Variants in WWTR1 observed in about 807,000 individuals in gnomAD.
The protein encoded by WWTR1 is WW domain containing transcription regulator 1.
A neutral mutation model predicts 40.1 loss-of-function variants in WWTR1; 13 were observed. The ratio of observed to expected loss-of-function variants is 0.32; its 90% CI spans 0.21 to 0.52. The LOEUF (loss-of-function observed/expected upper bound fraction) is 0.52. Among genes scored for constraint, WWTR1 ranks in the 20% least tolerant of loss-of-function variants. WWTR1 has a pLI of 0.97. For missense variants in WWTR1, 436 were observed against 523.1 expected (o/e 0.83, Z 1.63); for synonymous variants, 230 against 210.1 (o/e 1.09, Z -0.82).
chr3:149,582,710 G>T (rs1273007401), intron 2 of WWTR1, among the ~76,000 whole-genome samples: 3 of 151,914 alleles, frequency 2.0e-5, no homozygotes, highest in Admixed American at 1.3e-4. Flanking sequence ...AGTGTGGGCG[G>T]CAGAGCAAAA....
At chr3:149,627,727 G>T (rs1740634593) in intron 2 of WWTR1, among the ~76,000 whole-genome samples, 1 of 152,138 alleles carries the variant, frequency 6.6e-6, no homozygotes, top group Non-Finnish European at 1.5e-5. Flanking sequence ...GCCTGAGAGG[G>T]TCCTATTATT....
At chr3:149,552,848 G>T (rs769276234) in intron 3 of WWTR1, among the ~76,000 whole-genome samples, 1 of 152,178 alleles carries the variant, frequency 6.6e-6, no homozygotes, top group Non-Finnish European at 1.5e-5. Flanking sequence ...TTATGTCCCA[G>T]GGTTCTTTCA....
chr3:149,520,825 G>A lies in WWTR1; in HGVS notation c.1183C>T (p.Pro395Ser), dbSNP rs1239352404. The part of the protein sequence containing the change: ...DVESALNKSE[P>S]FLTWL ...AGTGATTACAGCCAGGTTAGAAAGG[G>A]CTCACTTTTGTTCAGAGCAGACTCT... Residue 395 changes from proline (P) to serine (S), a missense_variant, in exon 7 of 7, where the codon CCC becomes TCC. Transcript: ENST00000360632. 12 of 1,601,024 alleles carry A rather than the reference G, an allele frequency of 7.5e-6. No individual in the cohort carries two copies. The highest frequency in any genetic ancestry group is 1.4e-5 in the African/African-American group (1 of 73,948).
chr3:149,531,021 A>G (rs902754187), intron 4 of WWTR1, among the ~76,000 whole-genome samples: 3 of 149,972 alleles, frequency 2.0e-5, no homozygotes, highest in African/African-American at 7.4e-5. Flanking sequence ...TGCAACCTTC[A>G]CCTACCGGGT....
intron 2 of WWTR1, among the ~76,000 whole-genome samples, chr3:149,650,747 G>A (rs1186316315): frequency 1.3e-5 from 2 of 152,188 alleles, no homozygotes; most frequent in African/African-American, 4.8e-5. Context: ...ATGGAGTTGG[G>A]TATCCTCTGC....
chr3:149,720,458 A>G (rs992692595), intron 4 of WWTR1, among the ~76,000 whole-genome samples: 1 of 152,086 alleles, frequency 6.6e-6, no homozygotes, highest in African/African-American at 2.4e-5. Flanking sequence ...TGGATTCTCT[A>G]TTGTATTCAT....
At chr3:149,591,041 C>T (rs992691375) in intron 2 of WWTR1, among the ~76,000 whole-genome samples, 1 of 151,216 alleles carries the variant, frequency 6.6e-6, no homozygotes, top group Non-Finnish European at 1.5e-5. Flanking sequence ...TTAGGCATAT[C>T]CTGTCAAGAA....
intron 1 of WWTR1, among the ~76,000 whole-genome samples, chr3:149,678,884 G>A (rs886944684): frequency 6.7e-6 from 1 of 148,830 alleles, no homozygotes; most frequent in African/African-American, 2.5e-5. Flanking sequence ...GTGCAATGGT[G>A]CAGTGGCGTG....
intron 2 of WWTR1, among the ~76,000 whole-genome samples, chr3:149,591,976 T>C (rs1738747150): frequency 6.6e-6 from 1 of 152,210 alleles, no homozygotes; most frequent in Admixed American, 6.5e-5. Flanking sequence ...CAACTGCATC[T>C]GGTATTTCCA....
intron 1 of WWTR1, among the ~76,000 whole-genome samples, chr3:149,696,929 A>G (rs970767602): frequency 6.6e-6 from 1 of 151,904 alleles, no homozygotes; most frequent in Admixed American, 6.6e-5. Flanking sequence ...GCTTAAGATT[A>G]CTCTTCTGTC....
intron 1 of WWTR1, among the ~76,000 whole-genome samples, chr3:149,699,562 G>A (rs930941662): frequency 6.6e-6 from 1 of 151,978 alleles, no homozygotes; most frequent in Admixed American, 6.6e-5. Flanking sequence ...CAAAGTGCTG[G>A]GATTACAGGC....
At chr3:149,591,596 CA>C (rs147857781) in intron 2 of WWTR1, among the ~76,000 whole-genome samples, 2 of 151,476 alleles carry the variant, frequency 1.3e-5, no homozygotes, top group South Asian at 2.1e-4. Context: ...TTTCTCTAAA[CA>C]AAAAAAAGTA....
chr3:149,675,980 C>A (rs1201798005), intron 1 of WWTR1, among the ~76,000 whole-genome samples: 1 of 152,158 alleles, frequency 6.6e-6, no homozygotes, highest in Non-Finnish European at 1.5e-5. Flanking sequence ...GCTGGGATTA[C>A]AGGCGTGAGC....
chr3:149,674,223 C>CTCTCTG (rs953608860), intron 1 of WWTR1, among the ~76,000 whole-genome samples: 2 of 149,576 alleles, frequency 1.3e-5, no homozygotes, highest in Non-Finnish European at 3.0e-5. Context: ...CTGTCTCTCT[C>CTCTCTG]TCTCTGTCTC....
At chr3:149,610,867 G>A (rs147364294) in intron 2 of WWTR1, among the ~76,000 whole-genome samples, 130 of 152,262 alleles carry the variant, frequency 8.5e-4, no homozygotes, top group African/African-American at 3.0e-3. Context: ...TACTGTCCAG[G>A]CACAGTGGCT....
chr3:149,664,910 G>C (rs1035571617), intron 2 of WWTR1, among the ~76,000 whole-genome samples: 61 of 152,102 alleles, frequency 4.0e-4, no homozygotes, highest in African/African-American at 1.4e-3. Context: ...TCTTTTGTCT[G>C]ATGTTATCTG....
In WWTR1 at chr3:149,694,293, C is replaced by G. The variant is rs1160305617; in HGVS notation, c.-108+8831G>C. Among the ~76,000 whole-genome samples the G allele has an allele frequency of 2.6e-5, 4 of 152,244 alleles. No individual in the cohort carries two copies. In the East Asian group the frequency reaches 7.7e-4, roughly 29 times the overall value. On this transcript the variant is annotated intron_variant, in intron 1 of 7. Coordinates refer to the WWTR1 transcript ENST00000465804. ...CCTGTAATCTCAGCTACTCAGGAGG[C>G]TGAGGAAGGAGAATTGCTTGAACCC...
At position 149,539,051 on chromosome 3, in the gene WWTR1, T is replaced by C. The variant is rs191677392; in HGVS notation, c.771+3284A>G. ...GTAATCAAAGTTTCCTCAGATCCATTTTGTTAATGTTCTCGCATGATTTCA... is the reference window on the plus strand; with the variant it reads ...GTAATCAAAGTTTCCTCAGATCCATCTTGTTAATGTTCTCGCATGATTTCA... On this transcript the variant is annotated intron_variant, in intron 4 of 6. Coordinates refer to ENST00000360632, the MANE Select transcript of WWTR1 (RefSeq NM_015472.6). 7.2e-5 allele frequency among the ~76,000 whole-genome samples: 11 copies of C among 152,332 alleles called. No homozygotes were observed. The East Asian group carries it at 2.1e-3, about 29-fold the overall frequency.
intron 3 of WWTR1, among the ~76,000 whole-genome samples, chr3:149,545,669 G>A (rs1294010944): frequency 1.7e-4 from 26 of 152,056 alleles, no homozygotes; most frequent in Admixed American, 1.7e-3. Context: ...TTACAGTCGT[G>A]TGCCACCCTG....
Sources: gnomAD v4.1 joint callset for allele counts (sites outside exome capture counted in the v4.1 genomes callset) on GRCh38, gnomAD v4.1.1 for gene constraint, MANE v1.5 for transcripts, NCBI Gene and HGNC (gene_info 2026-07-23, HGNC 2026-07-21) for gene names.